Variants in CCDC3 observed in about 807,000 individuals in gnomAD.
CCDC3 encodes coiled-coil domain containing 3, also known as coiled-coil domain-containing protein 3.
CCDC3 carries 24 observed loss-of-function variants against 21.4 expected under a neutral mutation model. The observed-to-expected ratio is 1.12, with a 90% CI of 0.81 to 1.58. CCDC3 has a LOEUF of 1.58. Ranked by LOEUF, CCDC3 falls within the 40% of genes most tolerant of loss-of-function variation. CCDC3 has a pLI of 0.00. For synonymous variants in CCDC3, 186 were observed against 166.0 expected, an observed-to-expected ratio of 1.12 and a Z score of -0.93; for missense variants, 425 against 360.9, an observed-to-expected ratio of 1.18 and a Z score of -1.44.
intron 2 of CCDC3, among the ~76,000 whole-genome samples, chr10:12,987,398 C>T (rs1835612668): frequency 6.6e-6 from 1 of 152,210 alleles, no homozygotes. Flanking sequence ...AGAGCTGTAA[C>T]ATAACGCCTC....
intron 2 of CCDC3, among the ~76,000 whole-genome samples, chr10:12,977,382 T>C (rs891713419): frequency 1.3e-5 from 2 of 152,174 alleles, no homozygotes; most frequent in Non-Finnish European, 2.9e-5. Flanking sequence ...CAGTGCCCTC[T>C]AAATTTTCTC....
At chr10:12,972,905 A>C (rs1243401040) in intron 2 of CCDC3, among the ~76,000 whole-genome samples, 2 of 152,246 alleles carry the variant, frequency 1.3e-5, no homozygotes, top group Non-Finnish European at 2.9e-5. Context: ...GATGTAGTAG[A>C]AAGAACTCCA....
At chr10:12,926,911 A>G (rs1834550248) in intron 2 of CCDC3, among the ~76,000 whole-genome samples, 1 of 152,196 alleles carries the variant, frequency 6.6e-6, no homozygotes, top group Non-Finnish European at 1.5e-5. Context: ...AAAACAAAAA[A>G]TACATAAACT....
intron 2 of CCDC3, among the ~76,000 whole-genome samples, chr10:12,976,422 A>G (rs1274595413): frequency 6.6e-6 from 1 of 152,136 alleles, no homozygotes; most frequent in Non-Finnish European, 1.5e-5. Flanking sequence ...CAATGGAGAA[A>G]GGTGTGTGTA....
intron 2 of CCDC3, among the ~76,000 whole-genome samples, chr10:12,994,542 C>T (rs1008244398): frequency 6.6e-6 from 1 of 152,076 alleles, no homozygotes; most frequent in Non-Finnish European, 1.5e-5. Context: ...AAGTCCCAGG[C>T]CCTTCATAAC....
At chr10:12,992,943 T>A (rs762003873) in intron 2 of CCDC3, among the ~76,000 whole-genome samples, 2 of 152,192 alleles carry the variant, frequency 1.3e-5, no homozygotes, top group Non-Finnish European at 2.9e-5. Context: ...CTGTTGATAA[T>A]TCAATACACT....
chr10:12,990,112 C>T (rs1404002762), intron 2 of CCDC3, among the ~76,000 whole-genome samples: 3 of 151,768 alleles, frequency 2.0e-5, no homozygotes. Flanking sequence ...ATTAGCCGGG[C>T]GTGGTGGCAG....
chr10:12,923,126 T>G (rs578168044), intron 2 of CCDC3, among the ~76,000 whole-genome samples: 7 of 152,292 alleles, frequency 4.6e-5, no homozygotes, highest in Non-Finnish European at 1.0e-4. Flanking sequence ...CAGATTGGGA[T>G]AACCTTCCAC....
chr10:13,095,608 T>C (rs1037711237), intron 3 of CCDC3, among the ~76,000 whole-genome samples: 3 of 152,198 alleles, frequency 2.0e-5, no homozygotes, highest in Non-Finnish European at 4.4e-5. Flanking sequence ...TAGGCCATAA[T>C]GCTCACCCAC....
intron 2 of CCDC3, among the ~76,000 whole-genome samples, chr10:12,917,724 A>T (rs1335006314): frequency 6.6e-6 from 1 of 152,214 alleles, no homozygotes; most frequent in Non-Finnish European, 1.5e-5. Context: ...GTATAAAAAC[A>T]TTGCAACCCG....
chr10:13,094,267 G>C (rs1183160179), intron 3 of CCDC3, among the ~76,000 whole-genome samples: 1 of 151,498 alleles, frequency 6.6e-6, no homozygotes, highest in Non-Finnish European at 1.5e-5. Flanking sequence ...TGATGATGAT[G>C]ATGATGATGA....
At chr10:12,948,214 T>A (rs57811179) in intron 2 of CCDC3, among the ~76,000 whole-genome samples, 123 of 152,128 alleles carry the variant, frequency 8.1e-4, no homozygotes, top group Middle Eastern at 6.8e-3. Context: ...ACATAAGATG[T>A]GCCTTTGCTC....
intron 4 of CCDC3, among the ~76,000 whole-genome samples, chr10:13,061,246 C>A (rs557077981): frequency 6.6e-6 from 1 of 152,326 alleles, no homozygotes; most frequent in East Asian, 1.9e-4. Flanking sequence ...AGAGCTGGAA[C>A]ACACAGTTCC....
At position 13,028,244 on chromosome 10, in the gene CCDC3, T is replaced by C. The variant is rs111828043; in HGVS notation, c.-2+21430A>G. 2.8e-3 allele frequency among the ~76,000 whole-genome samples: 429 copies of C among 152,270 alleles called. 2 individuals are homozygous for C. Among genetic ancestry groups the C allele is most frequent in the South Asian group, 0.012 (56 of 4,818 alleles). ...TACGTCTCATGAGATCTGATGGTTT[T>C]ATAAAGGGCAGTTCCCCTGCACACA... On this transcript the variant is annotated intron_variant, in intron 5 of 6. Transcript: ENST00000378839.
In CCDC3 at chr10:12,944,618, T is replaced by A. The variant is rs541151562; in HGVS notation, c.550-45939A>T. Among the ~76,000 whole-genome samples the A allele has an allele frequency of 2.6e-5, 4 of 152,308 alleles. No homozygotes were observed. In the East Asian group the frequency reaches 5.8e-4, roughly 22 times the overall value. ...GTTCTCAAGACTTCCTGGGGCCATA[T>A]AATGGGCCATGGTTCTTAACTTAGG... is the stretch of plus-strand genomic sequence containing the variant. On this transcript the variant is annotated intron_variant, in intron 2 of 2. Transcript: ENST00000378825.
chr10:12,984,713 A>G (rs1303999071), intron 2 of CCDC3, among the ~76,000 whole-genome samples: 2 of 152,248 alleles, frequency 1.3e-5, no homozygotes, highest in Non-Finnish European at 2.9e-5. Context: ...TTATTCAGCC[A>G]TAAAAAAGAA....
At chr10:12,922,998 G>A (rs143858968) in intron 2 of CCDC3, among the ~76,000 whole-genome samples, 1 of 152,228 alleles carries the variant, frequency 6.6e-6, no homozygotes, top group Non-Finnish European at 1.5e-5. Context: ...AGTGAGATAA[G>A]ATAATCCCTT....
Position 13,042,821 on chromosome 10 carries a change from A to G in CCDC3, c.-2+6853T>C, listed in dbSNP as rs983323857. 3.3e-5 allele frequency among the ~76,000 whole-genome samples: 5 copies of G among 149,694 alleles called. No homozygotes were observed. In the South Asian group the frequency reaches 1.1e-3, roughly 32 times the overall value. On this transcript the variant is annotated intron_variant, in intron 5 of 6. Transcript: ENST00000378839. ...CTACCCGGGAGGCTGAGGCAGGAGA[A>G]TGGCGCGAACCTGGGAGGTGGAGCT...
intron 2 of CCDC3, among the ~76,000 whole-genome samples, chr10:12,955,512 G>C (rs961407104): frequency 2.6e-5 from 4 of 152,058 alleles, no homozygotes; most frequent in Non-Finnish European, 4.4e-5. Context: ...TCAGACCCAG[G>C]GATCATCTAG....
Sources: allele counts gnomAD v4.1 joint callset (sites outside exome capture counted in the v4.1 genomes callset), GRCh38; gene constraint gnomAD v4.1.1; transcripts MANE v1.5; gene names NCBI Gene and HGNC (gene_info 2026-07-23, HGNC 2026-07-21).